The following ANKRD6 variants were observed in gnomAD, a reference collection of about 807,000 sequenced individuals.
ANKRD6 encodes the protein ankyrin repeat domain-containing protein 6.
Under a neutral mutation model 82.3 loss-of-function variants are expected in ANKRD6, and 56 were observed. That is an observed-to-expected ratio of 0.68 (90% CI 0.55 to 0.85). The LOEUF (loss-of-function observed/expected upper bound fraction) is 0.85. Among genes scored for constraint, ANKRD6 ranks in the 40% least tolerant of loss-of-function variants. The pLI is 0.00. For missense variants in ANKRD6, 852 were observed against 907.6 expected (o/e 0.94, Z 0.79); for synonymous variants, 347 against 352.1 (o/e 0.99, Z 0.16).
Position 89,572,520 on chromosome 6 carries a change from A to G in ANKRD6, c.120+5424A>G, listed in dbSNP as rs192499154. On this transcript the variant is annotated intron_variant, in intron 2 of 15. Coordinates refer to ENST00000339746, the MANE Select transcript of ANKRD6 (RefSeq NM_001242809.2). ...TGATTGTGTTCTTTGATGCACAAACATTTTCAAGCTTGATGTCCCATTTGT... is the reference window on the plus strand; with the variant it reads ...TGATTGTGTTCTTTGATGCACAAACGTTTTCAAGCTTGATGTCCCATTTGT... Among the ~76,000 whole-genome samples, 9 of 152,292 alleles carry G rather than the reference A, an allele frequency of 5.9e-5. No homozygotes were observed. In the East Asian group the frequency reaches 1.7e-3, roughly 29 times the overall value.
At chr6:89,542,242 C>T (rs1365881594) in intron 1 of ANKRD6, among the ~76,000 whole-genome samples, 2 of 152,084 alleles carry the variant, frequency 1.3e-5, no homozygotes, top group Non-Finnish European at 1.5e-5. Context: ...CAGAGTTGGG[C>T]GCTTTTTCTG....
At chr6:89,464,443 T>C (rs923363811) in intron 1 of ANKRD6, among the ~76,000 whole-genome samples, 2 of 152,212 alleles carry the variant, frequency 1.3e-5, no homozygotes, top group African/African-American at 4.8e-5. Context: ...AATCCCAAGG[T>C]GCCCTAGGTG....
At chr6:89,566,646 T>C (rs890582514) in intron 1 of ANKRD6, among the ~76,000 whole-genome samples, 188 bp from the exon 2 acceptor site, 18 of 152,226 alleles carry the variant, frequency 1.2e-4, no homozygotes, top group Non-Finnish European at 7.3e-5. Flanking sequence ...CACATTCTGC[T>C]GCCTTCCACT....
chr6:89,476,099 CT>C (rs1198076729), intron 1 of ANKRD6, among the ~76,000 whole-genome samples: 1 of 152,088 alleles, frequency 6.6e-6, no homozygotes, highest in Non-Finnish European at 1.5e-5. Context: ...ACATTTTCAT[CT>C]TTTGTAGATT....
Position 89,433,212 on chromosome 6 carries a change from A to G in ANKRD6, c.-307A>G, listed in dbSNP as rs1770171986. The G allele has an allele frequency of 6.6e-6, 1 of 151,404 alleles. No homozygotes were observed. The highest frequency in any genetic ancestry group is 1.5e-5 in the Non-Finnish European group (1 of 67,862). The allele number at this position is 151,404 out of a possible 1,614,324, so 9.4% of individuals were successfully genotyped here. Reference sequence around the variant, plus strand: ...CCACAGGTAACCCGCAGGAGCCGAGAGCGCTGCCTGGCGCGCGGGCGGCTG... The same window carrying G: ...CCACAGGTAACCCGCAGGAGCCGAGGGCGCTGCCTGGCGCGCGGGCGGCTG... On this transcript the variant is annotated 5_prime_UTR_variant, in exon 1 of 16. Coordinates refer to ENST00000339746, the MANE Select transcript of ANKRD6 (RefSeq NM_001242809.2). This position sits in a 1 kb window ranked among gnomAD's most constrained non-coding sequence, Gnocchi z 4.3.
At chr6:89,602,948 G>A (rs1222658411) in intron 3 of ANKRD6, 81 bp from the exon 4 acceptor site, 1 of 1,181,570 alleles carries the variant, frequency 8.5e-7, no homozygotes, top group African/African-American at 1.5e-5. Flanking sequence ...AGGGGTCCTT[G>A]TGTCCAAGTG....
Position 89,621,956 on chromosome 6 carries a change from A to G in ANKRD6, c.827A>G (p.Lys276Arg), listed in dbSNP as rs202245288. ...LRFSRGRSLR[K>R]KRERLKEERR... ...TTCAGTCGTGGGCGAAGCCTGAGGA[A>G]AAAGAGAGAGAGGCTCAAGGAAGAG... The change falls in exon 10 of 16, where the codon AAA becomes AGA. Residue 276 changes from lysine to arginine, a missense_variant. Transcript: ENST00000339746. The G allele has an allele frequency of 5.6e-6, 9 of 1,613,870 alleles. No individual in the cohort carries two copies. The highest frequency in any genetic ancestry group is 1.7e-5 in the Admixed American group (1 of 60,030).
intron 1 of ANKRD6, among the ~76,000 whole-genome samples, chr6:89,517,106 G>T (rs1333188608): frequency 6.6e-6 from 1 of 152,180 alleles, no homozygotes; most frequent in East Asian, 1.9e-4. Flanking sequence ...CTGGGCTCAA[G>T]TTACCCTCCT....
In ANKRD6 at chr6:89,520,418, C is replaced by G. The variant is rs531552719; in HGVS notation, c.-143-46416C>G. ...TGCTGCAAATGGGTCAGCATCACAA[C>G]AAACAGCAGAGACTCAAAATATATG... On this transcript the variant is annotated intron_variant, in intron 1 of 15. Coordinates refer to ENST00000339746, the MANE Select transcript of ANKRD6 (RefSeq NM_001242809.2). Among the ~76,000 whole-genome samples, 4 of 152,372 alleles carry G rather than the reference C, an allele frequency of 2.6e-5. 1 individual carries two copies. The South Asian group carries it at 8.3e-4, about 32-fold the overall frequency.
At position 89,433,611 on chromosome 6, in the gene ANKRD6, G is replaced by T. The variant is rs1386374584; in HGVS notation, c.-144+236G>T. Among the ~76,000 whole-genome samples the T allele has an allele frequency of 6.6e-6, 1 of 152,222 alleles. No homozygotes were observed. The highest frequency in any genetic ancestry group is 1.5e-5 in the Non-Finnish European group (1 of 68,052). On this transcript the variant is annotated intron_variant, in intron 1 of 15. Transcript: ENST00000339746. This position sits in a 1 kb window ranked among gnomAD's most constrained non-coding sequence, Gnocchi z 4.3. ...CCTCCCTCTTCGCCTGGCATCAGTT[G>T]CCTCCCTGGAATATGGAACTTCGGG...
At chr6:89,603,811 C>G (rs1338182544) in intron 4 of ANKRD6, among the ~76,000 whole-genome samples, 1 of 152,090 alleles carries the variant, frequency 6.6e-6, no homozygotes, top group Non-Finnish European at 1.5e-5. Flanking sequence ...CATAACAAAC[C>G]ACTGTCTCCA....
chr6:89,600,754 G>T (rs1412966845), intron 3 of ANKRD6, among the ~76,000 whole-genome samples: 1 of 152,150 alleles, frequency 6.6e-6, no homozygotes, highest in African/African-American at 2.4e-5. Context: ...TGAGACGTGG[G>T]GCCAGGCACG....
At chr6:89,585,783 C>T (rs1003807138) in intron 2 of ANKRD6, among the ~76,000 whole-genome samples, 2 of 152,178 alleles carry the variant, frequency 1.3e-5, no homozygotes, top group Admixed American at 6.5e-5. Flanking sequence ...TGATGTGTGC[C>T]TGTAGTCCCA....
At chr6:89,525,415 A>G (rs1190056314) in intron 1 of ANKRD6, among the ~76,000 whole-genome samples, 1 of 152,178 alleles carries the variant, frequency 6.6e-6, no homozygotes, top group African/African-American at 2.4e-5. Context: ...CTCACTGGGA[A>G]TCCAGCATTT....
chr6:89,435,484 T>C (rs1374031761), intron 1 of ANKRD6, among the ~76,000 whole-genome samples: 3 of 152,232 alleles, frequency 2.0e-5, no homozygotes, highest in Non-Finnish European at 4.4e-5. Flanking sequence ...ATTCTTTATT[T>C]TTCTTTTTTT....
At chr6:89,564,852 G>A (rs566966665) in intron 1 of ANKRD6, among the ~76,000 whole-genome samples, 1 of 152,116 alleles carries the variant, frequency 6.6e-6, no homozygotes, top group African/African-American at 2.4e-5. Flanking sequence ...TAACAAATGG[G>A]TAGATGACGG....
intron 2 of ANKRD6, among the ~76,000 whole-genome samples, chr6:89,587,183 T>G (rs896300120): frequency 1.8e-5 from 2 of 110,520 alleles, no homozygotes; most frequent in Non-Finnish European, 3.6e-5. Flanking sequence ...AGAGTGAAAC[T>G]CCGTCTCAAA....
At chr6:89,531,846 C>T (rs1783190862) in intron 1 of ANKRD6, among the ~76,000 whole-genome samples, 3 of 152,244 alleles carry the variant, frequency 2.0e-5, no homozygotes, top group Admixed American at 2.0e-4. Context: ...AAAGAATTGG[C>T]TCATGCCATA....
chr6:89,602,915 G>T (rs1201238016), intron 3 of ANKRD6, 114 bp from the exon 4 acceptor site: 3 of 846,902 alleles, frequency 3.5e-6, no homozygotes, highest in East Asian at 5.3e-5. Context: ...GCGAATAACC[G>T]CTCTGCTCTG....
Sources: gnomAD v4.1 joint callset for allele counts (sites outside exome capture counted in the v4.1 genomes callset) on GRCh38, gnomAD v4.1.1 for gene constraint, Gnocchi (gnomAD v3.1) non-coding constraint, MANE v1.5 for transcripts, NCBI Gene and HGNC (gene_info 2026-07-23, HGNC 2026-07-21) for gene names.